Variants in CAMK2B observed in about 807,000 individuals in gnomAD.
The protein encoded by CAMK2B is calcium/calmodulin-dependent protein kinase type II subunit beta.
Under a neutral mutation model 93.7 loss-of-function variants are expected in CAMK2B, and 27 were observed. That is an observed-to-expected ratio of 0.29 (90% CI 0.21 to 0.40). The LOEUF is 0.40. CAMK2B is among the 10% of genes least tolerant of loss of function. CAMK2B has a pLI of 1.00. For synonymous variants in CAMK2B, 374 were observed against 358.8 expected (o/e 1.04, Z -0.48); for missense variants, 568 against 895.8 (o/e 0.63, Z 4.67).
At chr7:44,241,628 G>A (rs1433606362) in intron 11 of CAMK2B, 72 bp downstream of exon 11, 8 of 1,231,668 alleles carry the variant, frequency 6.5e-6, no homozygotes, top group Non-Finnish European at 8.3e-6. Flanking sequence ...GACCCCCCAA[G>A]GCCCCCCTGC....
chr7:44,283,272 C>T (rs1230629390), intron 2 of CAMK2B, among the ~76,000 whole-genome samples: 1 of 152,228 alleles, frequency 6.6e-6, no homozygotes, highest in East Asian at 1.9e-4. Flanking sequence ...TTTTGTTTGT[C>T]CTCGACCTGC....
chr7:44,278,013 G>A (rs1223379798), intron 2 of CAMK2B, among the ~76,000 whole-genome samples: 1 of 152,230 alleles, frequency 6.6e-6, no homozygotes, highest in Non-Finnish European at 1.5e-5. Context: ...CACAGGCTCT[G>A]GGCTGGGAGC....
At chr7:44,254,397 C>T (rs1314326448) in intron 5 of CAMK2B, 145 bp downstream of exon 5, 7 of 653,782 alleles carry the variant, frequency 1.1e-5, no homozygotes, top group Non-Finnish European at 2.0e-5. Flanking sequence ...TTTCCTTTGG[C>T]TTCATGCCCA....
Position 44,325,396 on chromosome 7 carries a change from CG to C in CAMK2B, c.25del (p.Arg9AlafsTer60). ...GTAGAGCTGGTACTCGTCGGTGAAGCGGGTGCAGGTCACCGTGGTGGCCATG... is the reference window on the plus strand; with the variant it reads ...GTAGAGCTGGTACTCGTCGGTGAAGCGGTGCAGGTCACCGTGGTGGCCATG... MATTVTCT[R>X]FTDEYQLYED... On this transcript the variant is annotated frameshift_variant, in exon 1 of 24. Coordinates refer to ENST00000395749, the MANE Select transcript of CAMK2B (RefSeq NM_001220.5). LOFTEE classifies it high-confidence loss of function. The C allele has an allele frequency of 8.2e-7, 1 of 1,221,250 alleles. No homozygotes were observed. Among genetic ancestry groups the C allele is most frequent in the Non-Finnish European group, 1.0e-6 (1 of 953,110 alleles). 75.7% of individuals were successfully genotyped at this position (1,221,250 alleles called of 1,614,324 possible).
intron 3 of CAMK2B, 59 bp downstream of exon 3, chr7:44,262,946 G>A: frequency 2.1e-6 from 3 of 1,423,172 alleles, no homozygotes; most frequent in Non-Finnish European, 2.0e-6. Flanking sequence ...AAACCGGAAT[G>A]GGCTGCTGTC....
intron 1 of CAMK2B, among the ~76,000 whole-genome samples, chr7:44,315,833 TTG>T (rs1460434439): frequency 1.3e-5 from 2 of 152,216 alleles, no homozygotes; most frequent in African/African-American, 4.8e-5. Flanking sequence ...CTATTGTAAA[TTG>T]TTTTTCCTAA....
At chr7:44,223,354 A>C (rs2096435341) in intron 20 of CAMK2B, among the ~76,000 whole-genome samples, 1 of 152,098 alleles carries the variant, frequency 6.6e-6, no homozygotes, top group Non-Finnish European at 1.5e-5. Flanking sequence ...GTCTTGCTAC[A>C]CAAGCCCAGT....
intron 5 of CAMK2B, among the ~76,000 whole-genome samples, chr7:44,251,892 C>A (rs535843908): frequency 6.6e-6 from 1 of 152,174 alleles, no homozygotes; most frequent in Non-Finnish European, 1.5e-5. Context: ...AAATCCCTCA[C>A]TTCTCCCCTC....
At chr7:44,317,594 T>G (rs114451339) in intron 1 of CAMK2B, among the ~76,000 whole-genome samples, 114 of 152,288 alleles carry the variant, frequency 7.5e-4, no homozygotes, top group African/African-American at 2.6e-3. Context: ...CTGAATGATA[T>G]TTTGGATATA....
chr7:44,240,759 G>C lies in CAMK2B; in HGVS notation c.904-10C>G. On this transcript the variant is annotated splice_polypyrimidine_tract_variant and intron_variant, in intron 11 of 23. Coordinates refer to ENST00000395749, the MANE Select transcript of CAMK2B (RefSeq NM_001220.5). ...TGGTGAGGATGGCTCCCTGGGGAGA[G>C]ACACAGATAAAACCGGGGCTATCCC... The C allele has an allele frequency of 6.2e-7, 1 of 1,613,662 alleles. No homozygotes were observed. The highest frequency in any genetic ancestry group is 1.6e-4 in the Middle Eastern group (1 of 6,062).
In CAMK2B at chr7:44,249,155, T is replaced by A. The variant is rs535330757; in HGVS notation, c.342-1963A>T. ...ACTTCCCATGCTGCCCTCATCTGCC[T>A]GGACCAGCCCCTCCTCCTTGTTCCT... On this transcript the variant is annotated intron_variant, in intron 5 of 23. Coordinates refer to ENST00000395749, the MANE Select transcript of CAMK2B (RefSeq NM_001220.5). Among the ~76,000 whole-genome samples, 4 of 152,332 alleles carry A rather than the reference T, an allele frequency of 2.6e-5. No individual in the cohort carries two copies. The East Asian group carries it at 7.7e-4, about 29-fold the overall frequency.
rs1049233035 is a variant in CAMK2B at position 44,229,442 on chromosome 7, C to T, written c.1285G>A (p.Glu429Lys). ...VRRGSGAPEA[E>K]GPLPCPSPAP... ...GGAGATGGGCAGGGCAGGGGCCCCT[C>T]GGCTTCTGGGGCTCCCGAGCCCCTC... The change falls in exon 18 of 24, where the codon GAG becomes AAG. Residue 429 changes from glutamate (E) to lysine (K), a missense_variant. Around this residue, in one of 4 missense-constraint regions of CAMK2B, gnomAD observed 308 missense variants for 292.1 expected, o/e 1.05. Coordinates refer to ENST00000395749, the MANE Select transcript of CAMK2B (RefSeq NM_001220.5). 42 of 1,493,826 alleles carry T rather than the reference C, an allele frequency of 2.8e-5. No homozygotes were observed. Among genetic ancestry groups the T allele is most frequent in the Non-Finnish European group, 3.5e-5 (39 of 1,123,228 alleles). The allele number at this position is 1,493,826 out of a possible 1,614,324, so 92.5% of individuals were successfully genotyped here.
In CAMK2B at chr7:44,225,385, C is replaced by T. The variant is rs572218172; in HGVS notation, c.1597+1131G>A. 1.3e-5 allele frequency among the ~76,000 whole-genome samples: 2 copies of T among 152,236 alleles called. No homozygotes were observed. Among genetic ancestry groups the T allele is most frequent in the South Asian group, 2.1e-4 (1 of 4,822 alleles). On this transcript the variant is annotated intron_variant, in intron 20 of 23. Coordinates refer to ENST00000395749, the MANE Select transcript of CAMK2B (RefSeq NM_001220.5). This position sits in a 1 kb window ranked among gnomAD's most constrained non-coding sequence, Gnocchi z 5.0. ...CTGCGGTGCACCCACCCCAGCTGCA[C>T]GGCGGCCCCTCCCCATGCCTCCCTC...
At chr7:44,289,779 A>G (rs1786220370) in intron 1 of CAMK2B, among the ~76,000 whole-genome samples, 1 of 152,220 alleles carries the variant, frequency 6.6e-6, no homozygotes, top group Non-Finnish European at 1.5e-5. Flanking sequence ...TGTGATCCCC[A>G]TGACAGGCTG....
intron 2 of CAMK2B, among the ~76,000 whole-genome samples, chr7:44,274,550 G>A (rs773824691): frequency 3.3e-5 from 5 of 152,174 alleles, no homozygotes; most frequent in South Asian, 2.1e-4. Context: ...TGGGCACTCC[G>A]AATCCCCTTC....
At position 44,245,140 on chromosome 7, in the gene CAMK2B, A is replaced by T. The variant is rs1218612384; in HGVS notation, c.415-1613T>A. The T allele has an allele frequency of 8.2e-6, 3 of 366,456 alleles. No homozygotes were observed. In the Admixed American group the frequency reaches 9.7e-5, roughly 12 times the overall value. The allele number at this position is 366,456 out of a possible 1,614,324, so 22.7% of individuals were successfully genotyped here. A position where few individuals can be genotyped will look rare whatever the true frequency, so the allele number is the denominator to read the frequency against. On this transcript the variant is annotated intron_variant, in intron 6 of 23. Transcript: ENST00000395749. Reference sequence around the variant, plus strand: ...ACCAGCAGTTCTTCCGAAGAGAAGGAGCGTTAAGTGAACATGGACCGTAGG... The same window carrying T: ...ACCAGCAGTTCTTCCGAAGAGAAGGTGCGTTAAGTGAACATGGACCGTAGG...
chr7:44,315,307 T>C lies in CAMK2B; in HGVS notation c.65+10050A>G, dbSNP rs115993332. On this transcript the variant is annotated intron_variant, in intron 1 of 23. Coordinates refer to ENST00000395749, the MANE Select transcript of CAMK2B (RefSeq NM_001220.5). ...CATTCTTCTGCATGTGGATACTCAA[T>C]TGTCCATTTGTTGAATGGACCGTTA... is the stretch of plus-strand genomic sequence containing the variant. 6.2e-3 allele frequency among the ~76,000 whole-genome samples: 952 copies of C among 152,362 alleles called. 18 individuals carry two copies. Among genetic ancestry groups the C allele is most frequent in the African/African-American group, 0.022 (914 of 41,586 alleles).
intron 2 of CAMK2B, among the ~76,000 whole-genome samples, chr7:44,272,042 G>A (rs1271684066): frequency 2.6e-5 from 4 of 152,146 alleles, no homozygotes; most frequent in Non-Finnish European, 5.9e-5. Context: ...GCTGGACCCC[G>A]TCACAGGAGG....
intron 1 of CAMK2B, among the ~76,000 whole-genome samples, chr7:44,291,516 G>A (rs370627483): frequency 7.9e-5 from 12 of 152,194 alleles, no homozygotes; most frequent in African/African-American, 1.2e-4. Context: ...ACTTCTCCTC[G>A]TGAGCACCCA....
Sources: allele counts gnomAD v4.1 joint callset (sites outside exome capture counted in the v4.1 genomes callset), GRCh38; gene constraint gnomAD v4.1.1; regional missense constraint gnomAD v4.1.1; non-coding constraint Gnocchi (gnomAD v3.1); transcripts MANE v1.5; gene names NCBI Gene and HGNC (gene_info 2026-07-23, HGNC 2026-07-21).